BEND7: variants seen among roughly 807,000 people sequenced by gnomAD.
BEND7 encodes the protein BEN domain-containing protein 7.
A neutral mutation model predicts 50.9 loss-of-function variants in BEND7; 28 were observed. That is an observed-to-expected ratio of 0.55 (90% CI 0.41 to 0.75). The LOEUF (loss-of-function observed/expected upper bound fraction) is 0.75, where lower values mean the gene tolerates loss of function less well. Ranked by LOEUF, BEND7 falls within the 30% of genes least tolerant of loss-of-function variation. The probability of loss-of-function intolerance (pLI) is 0.00; values close to 1 mark genes in which losing one functional copy is unlikely to be tolerated. For missense variants in BEND7, 477 were observed against 491.3 expected (o/e 0.97, Z 0.28); for synonymous variants, 170 against 183.9 (o/e 0.92, Z 0.61).
At position 13,526,122 on chromosome 10, in the gene BEND7, T is replaced by TA; in HGVS notation, c.145+15_145+16insT. On this transcript the variant is annotated intron_variant, in intron 2 of 8. Transcript: ENST00000466271. Reference sequence around the variant, plus strand: ...CACGATGTTTTGCTGAGGTATTAATTGACATAGGAACCTACCTAAAAAAAT... The same window carrying TA: ...CACGATGTTTTGCTGAGGTATTAATTAGACATAGGAACCTACCTAAAAAAAT... 7.9e-7 allele frequency: 1 copy of TA among 1,259,060 alleles called. No homozygotes were observed. Among genetic ancestry groups the TA allele is most frequent in the Non-Finnish European group, 1.0e-6 (1 of 966,024 alleles). 78.0% of individuals were successfully genotyped at this position (1,259,060 alleles called of 1,614,324 possible).
At chr10:13,480,515 C>CA (rs2075779416) in intron 6 of BEND7, 1 of 414,378 alleles carries the variant, frequency 2.4e-6, no homozygotes, top group African/African-American at 2.3e-5. Flanking sequence ...TTTACTTTAT[C>CA]TTTTTTTTTT....
intron 6 of BEND7, among the ~76,000 whole-genome samples, chr10:13,455,170 T>G (rs1260419464): frequency 6.6e-6 from 1 of 151,904 alleles, no homozygotes; most frequent in African/African-American, 2.4e-5. Context: ...AGACTCTGAC[T>G]CAAACAAACA....
rs34346648 is a variant in BEND7 at position 13,520,471 on chromosome 10, A to C, written c.145+5667T>G. 5.7e-3 allele frequency among the ~76,000 whole-genome samples: 861 copies of C among 152,000 alleles called. 32 individuals are homozygous for C. The South Asian group carries it at 0.11, about 19-fold the overall frequency. ...TCGGGTCAGACCGTGCATACTAGAC[A>C]CTCAGTGAAGGGCTTTGCCTTGATT... On this transcript the variant is annotated intron_variant, in intron 2 of 8. Coordinates refer to ENST00000466271, the MANE Select transcript of BEND7 (RefSeq NM_001369863.1).
At chr10:13,449,188 A>C (rs1282598742) in intron 7 of BEND7, among the ~76,000 whole-genome samples, 2 of 152,184 alleles carry the variant, frequency 1.3e-5, no homozygotes, top group Non-Finnish European at 2.9e-5. Context: ...ATATATGAAA[A>C]ATAATGAACA....
At chr10:13,514,393 CG>C (rs1046213213) in intron 2 of BEND7, among the ~76,000 whole-genome samples, 1 of 152,124 alleles carries the variant, frequency 6.6e-6, no homozygotes, top group Non-Finnish European at 1.5e-5. Context: ...GAGTGTGCAG[CG>C]GGGTGGCAAG....
At chr10:13,468,509 G>A (rs1214556550) in intron 6 of BEND7, among the ~76,000 whole-genome samples, 2 of 152,148 alleles carry the variant, frequency 1.3e-5, no homozygotes, top group South Asian at 2.1e-4. Flanking sequence ...GCCAGAGTTC[G>A]GACTGAATAG....
chr10:13,468,031 G>A (rs759417477), intron 6 of BEND7, among the ~76,000 whole-genome samples: 1 of 152,118 alleles, frequency 6.6e-6, no homozygotes, highest in East Asian at 1.9e-4. Flanking sequence ...CATGTATCCC[G>A]ATCTGCCCGG....
At chr10:13,474,401 T>C (rs778267315) in intron 6 of BEND7, among the ~76,000 whole-genome samples, 21 of 151,558 alleles carry the variant, frequency 1.4e-4, no homozygotes, top group South Asian at 2.1e-4. Flanking sequence ...GACTCGGGGC[T>C]GATATCTGTC....
At chr10:13,486,650 A>C (rs2076245930) in intron 5 of BEND7, among the ~76,000 whole-genome samples, 1 of 152,276 alleles carries the variant, frequency 6.6e-6, no homozygotes. Context: ...AAAAGAAATC[A>C]TCCAACAGCC....
chr10:13,492,726 T>G lies in BEND7; in HGVS notation c.722A>C (p.Glu241Ala), dbSNP rs534614765. Residue 241 changes from glutamate (E) to alanine (A), a missense_variant, in exon 5 of 9, where the codon GAG becomes GCG. Glu to Ala is a moderately radical substitution (Grantham distance 107). This residue lies in a region of BEND7 where 396 missense variants were observed against 384.2 expected (regional missense o/e 1.03). Coordinates refer to ENST00000466271, the MANE Select transcript of BEND7 (RefSeq NM_001369863.1). The part of the protein sequence containing the change: ...VKQKPSGSEM[E>A]KKSVVASELS... Reference sequence around the variant, plus strand: ...CTCAGAGGCCACCACCGACTTTTTCTCCATCTCTGACCCACTGGGCTTCTG... The same window carrying G: ...CTCAGAGGCCACCACCGACTTTTTCGCCATCTCTGACCCACTGGGCTTCTG... 1.0e-4 allele frequency: 166 copies of G among 1,614,200 alleles called. 1 individual carries two copies. The South Asian group carries it at 1.6e-3, about 15-fold the overall frequency.
chr10:13,529,046 C>A, upstream of BEND7: 1 of 145,620 alleles, frequency 6.9e-6, no homozygotes, highest in South Asian at 1.9e-4. Flanking sequence ...GCTGACCGCC[C>A]CCGCGGGAGG....
chr10:13,505,545 C>T (rs192443136), intron 2 of BEND7, among the ~76,000 whole-genome samples: 48 of 152,294 alleles, frequency 3.2e-4, no homozygotes, highest in African/African-American at 9.4e-4. Context: ...CTACCCTCCC[C>T]GGGGTCCATA....
intron 2 of BEND7, among the ~76,000 whole-genome samples, chr10:13,521,668 G>A (rs1301572952): frequency 6.6e-6 from 1 of 152,152 alleles, no homozygotes; most frequent in African/African-American, 2.4e-5. Flanking sequence ...CATTTCCTCT[G>A]AGGTTGCAAC....
At chr10:13,438,918 G>C (rs1588578260), downstream of BEND7, 2 of 453,986 alleles carry the variant, frequency 4.4e-6, no homozygotes, top group East Asian at 8.7e-5. Context: ...GGGCTGATGG[G>C]AGAAGGGGAG....
chr10:13,439,938 T>A (rs1835126346), downstream of BEND7, among the ~76,000 whole-genome samples: 1 of 152,246 alleles, frequency 6.6e-6, no homozygotes, highest in South Asian at 2.1e-4. Flanking sequence ...CTTTTCTCTT[T>A]TATCCCGAAA....
intron 1 of BEND7, 115 bp downstream of exon 1, chr10:13,528,350 AGGCACCGG>A (rs2079557806): frequency 3.6e-6 from 1 of 277,468 alleles, no homozygotes. Context: ...AGCCCGGCGG[AGGCACCGG>A]GGGACCGGGA....
intron 7 of BEND7, among the ~76,000 whole-genome samples, chr10:13,451,176 C>T (rs1213086985): frequency 6.6e-6 from 1 of 151,318 alleles, no homozygotes; most frequent in Non-Finnish European, 1.5e-5. Flanking sequence ...TAGCCTTCTA[C>T]AGAATTTCTC....
intron 6 of BEND7, among the ~76,000 whole-genome samples, chr10:13,467,585 G>A (rs1188696954): frequency 1.3e-5 from 2 of 152,114 alleles, no homozygotes; most frequent in African/African-American, 2.4e-5. Flanking sequence ...GTTTTTGATC[G>A]ACAAGATTAC....
intron 7 of BEND7, among the ~76,000 whole-genome samples, chr10:13,448,254 G>C (rs550664193): frequency 6.6e-6 from 1 of 152,322 alleles, no homozygotes; most frequent in Non-Finnish European, 1.5e-5. Flanking sequence ...CTCTTGACAA[G>C]GGATGGGCTT....
Sources: allele counts gnomAD v4.1 joint callset (sites outside exome capture counted in the v4.1 genomes callset), GRCh38; gene constraint gnomAD v4.1.1; regional missense constraint gnomAD v4.1.1; transcripts MANE v1.5; gene names NCBI Gene and HGNC (gene_info 2026-07-23, HGNC 2026-07-21).